GTF3C1: variants seen among roughly 807,000 people sequenced by gnomAD.
GTF3C1 encodes the protein general transcription factor IIIC subunit 1, also known as general transcription factor 3C polypeptide 1.
GTF3C1 carries 57 observed loss-of-function variants against 226.7 expected under a neutral mutation model. The observed-to-expected ratio is 0.25, with a 90% CI of 0.20 to 0.31. GTF3C1 has a LOEUF of 0.31. GTF3C1 is among the 10% of genes least tolerant of loss of function. The pLI is 1.00. For missense variants in GTF3C1, 2,217 were observed against 2,776.1 expected, an observed-to-expected ratio of 0.80 and a Z score of 4.53; for synonymous variants, 1,090 against 1,084.8, an observed-to-expected ratio of 1.00 and a Z score of -0.09.
chr16:27,535,883 G>A (rs549512168), intron 4 of GTF3C1, among the ~76,000 whole-genome samples: 1 of 152,104 alleles, frequency 6.6e-6, no homozygotes, highest in East Asian at 1.9e-4. Flanking sequence ...CAGTTCTCAC[G>A]TATTTTTCCT....
rs1212146647 is a variant in GTF3C1, at chr16:27,464,400, C to T, written c.5792G>A (p.Gly1931Asp). The change falls in exon 34 of 37, where the codon GGT becomes GAT. Residue 1931 changes from glycine to aspartate, a missense_variant. By Grantham distance (94) the Gly-to-Asp change is moderately conservative. This residue lies in a region of GTF3C1 where 455 missense variants were observed against 441.9 expected (regional missense o/e 1.03). Coordinates refer to ENST00000356183, the MANE Select transcript of GTF3C1 (RefSeq NM_001520.4). ...AAGAAQEDQEGVGEFSSPGQE... is the reference protein window; with the variant it reads ...AAGAAQEDQEDVGEFSSPGQE... Reference sequence around the variant, plus strand: ...GCCTGGGGAACTGAACTCACCGACACCCTCTTGGTCTTCCTGTGCTGCTCC... The same window carrying T: ...GCCTGGGGAACTGAACTCACCGACATCCTCTTGGTCTTCCTGTGCTGCTCC... The T allele has an allele frequency of 6.2e-7, 1 of 1,601,150 alleles. No individual in the cohort carries two copies. The highest frequency in any genetic ancestry group is 1.7e-5 in the Admixed American group (1 of 57,950).
chr16:27,483,406 G>A (rs1240939766), intron 25 of GTF3C1: 4 of 570,934 alleles, frequency 7.0e-6, no homozygotes, highest in South Asian at 4.6e-5. Flanking sequence ...CTCTCACAGG[G>A]GTTTGTCCAG....
In GTF3C1 at chr16:27,492,790, G is replaced by A. The variant is rs548650644; in HGVS notation, c.2877-77C>T. ...CCGCAGGGGTCTGCATGTGGGGTGA[G>A]GGGTGCGACTTCCTTCTTCTCTTTT... is the stretch of plus-strand genomic sequence containing the variant. On this transcript the variant is annotated intron_variant, in intron 17 of 36. Coordinates refer to ENST00000356183, the MANE Select transcript of GTF3C1 (RefSeq NM_001520.4). This position sits in a 1 kb window ranked among gnomAD's most constrained non-coding sequence, Gnocchi z 5.0. The A allele has an allele frequency of 1.2e-4, 99 of 836,910 alleles. 1 individual carries two copies. The East Asian group carries it at 2.1e-3, about 18-fold the overall frequency. The allele number at this position is 836,910 out of a possible 1,614,324, so 51.8% of individuals were successfully genotyped here. A position where few individuals can be genotyped will look rare whatever the true frequency, so the allele number is the denominator to read the frequency against.
In GTF3C1 at chr16:27,497,903, G is replaced by C. The variant is rs994740386; in HGVS notation, c.2166-82C>G. 8 of 1,150,888 alleles carry C rather than the reference G, an allele frequency of 7.0e-6. No individual in the cohort carries two copies. In the Admixed American group the frequency reaches 9.0e-5, roughly 13 times the overall value. The allele number at this position is 1,150,888 out of a possible 1,614,324, so 71.3% of individuals were successfully genotyped here. A position where few individuals can be genotyped will look rare whatever the true frequency, so the allele number is the denominator to read the frequency against. ...GGACAGAGTCTGTCTGCATGAATCA[G>C]ATACAGCCTCTTGGCCTGGGGGTTT... On this transcript the variant is annotated intron_variant, in intron 13 of 36. Coordinates refer to ENST00000356183, the MANE Select transcript of GTF3C1 (RefSeq NM_001520.4).
At chr16:27,513,981 G>C (rs760217470) in intron 6 of GTF3C1, among the ~76,000 whole-genome samples, 7 of 152,150 alleles carry the variant, frequency 4.6e-5, no homozygotes, top group African/African-American at 1.4e-4. Context: ...GGTTCTTTTG[G>C]GGGCAGAGCA....
In GTF3C1 at chr16:27,464,367, T is replaced by G; in HGVS notation, c.5825A>C (p.Gln1942Pro). 6.4e-7 allele frequency: 1 copy of G among 1,564,968 alleles called. No homozygotes were observed. The highest frequency in any genetic ancestry group is 8.6e-7 in the Non-Finnish European group (1 of 1,158,850). ...TGGAGGCTGCGCCTGGCCGCTCAGC[T>G]GCTCTTGGCCTGGGGAACTGAACTC... ...VGEFSSPGQE[Q>P]LSGQAQPPEG... Residue 1942 changes from glutamine to proline, a missense_variant, in exon 34 of 37, where the codon CAG becomes CCG. Physicochemically the swap from Gln to Pro is moderately conservative, Grantham distance 76 (BLOSUM62 -1). Transcript: ENST00000356183.
intron 6 of GTF3C1, among the ~76,000 whole-genome samples, chr16:27,517,386 G>C (rs536763546): frequency 1.3e-5 from 2 of 152,188 alleles, no homozygotes; most frequent in African/African-American, 4.8e-5. Context: ...ACCCGAATAA[G>C]CGCACGTCAT....
At position 27,470,504 on chromosome 16, in the gene GTF3C1, G is replaced by A. The variant is rs567396328; in HGVS notation, c.4527-109C>T. The A allele has an allele frequency of 6.1e-6, 5 of 819,490 alleles. No homozygotes were observed. Among genetic ancestry groups the A allele is most frequent in the East Asian group, 4.9e-5 (2 of 41,172 alleles). The allele number at this position is 819,490 out of a possible 1,614,324, so 50.8% of individuals were successfully genotyped here. A position where few individuals can be genotyped will look rare whatever the true frequency, so the allele number is the denominator to read the frequency against. On this transcript the variant is annotated intron_variant, in intron 30 of 36. Transcript: ENST00000356183. The surrounding 1 kb of genome is among the most constrained non-coding windows in gnomAD (Gnocchi z 4.9). ...CATTATGGTGAGAACTAAGCAAAACGCCCCACTTCTTCCCTAAAGCTCTCT... is the reference window on the plus strand; with the variant it reads ...CATTATGGTGAGAACTAAGCAAAACACCCCACTTCTTCCCTAAAGCTCTCT...
chr16:27,469,447 C>G lies in GTF3C1; in HGVS notation c.4918G>C (p.Ala1640Pro). ...ATCAGCAGGTAGTTGGTGTGGGAGG[C>G]TTGCGCAGGTTTCACCTCCATGCTC... ...RRSMEVKPAQ[A>P]SHTNYLLMRG... is the part of the protein sequence containing the mutation. Residue 1640 changes from alanine to proline, a missense_variant, in exon 32 of 37, where the codon GCC becomes CCC. Physicochemically the swap from Ala to Pro is conservative, Grantham distance 27. Transcript: ENST00000356183. This position sits in a 1 kb window ranked among gnomAD's most constrained non-coding sequence, Gnocchi z 4.5. 1 of 1,614,198 alleles carries G rather than the reference C, an allele frequency of 6.2e-7. No individual in the cohort carries two copies. The highest frequency in any genetic ancestry group is 8.5e-7 in the Non-Finnish European group (1 of 1,180,014).
At chr16:27,528,793 A>G (rs1419860102) in intron 5 of GTF3C1, 72 bp from the exon 6 acceptor site, 13 of 1,396,086 alleles carry the variant, frequency 9.3e-6, no homozygotes, top group Non-Finnish European at 1.3e-5. Context: ...AGTCATATAA[A>G]TGAACACAAG....
chr16:27,547,751 C>A (rs535448421), intron 1 of GTF3C1, among the ~76,000 whole-genome samples: 1 of 151,958 alleles, frequency 6.6e-6, no homozygotes, highest in African/African-American at 2.4e-5. Context: ...GCAGCCTCCA[C>A]CTAGCTGGGA....
At position 27,492,442 on chromosome 16, in the gene GTF3C1, C is replaced by A; in HGVS notation, c.3047G>T (p.Arg1016Leu). The A allele has an allele frequency of 6.2e-7, 1 of 1,611,700 alleles. No homozygotes were observed. Among genetic ancestry groups the A allele is most frequent in the Non-Finnish European group, 8.5e-7 (1 of 1,177,830 alleles). ...TICDPHYNLA[R>L]SSRPFERRLY... ...GCGCCTCTCGAAGGGCCGGCTGCTG[C>A]GGGCCAGGTTGTAATGTGGGTCGCA... is the stretch of plus-strand genomic sequence containing the variant. Residue 1016 changes from arginine (R) to leucine (L), a missense_variant, in exon 19 of 37, where the codon CGC becomes CTC. Transcript: ENST00000356183. The surrounding 1 kb of genome is among the most constrained non-coding windows in gnomAD (Gnocchi z 5.0).
intron 5 of GTF3C1, among the ~76,000 whole-genome samples, chr16:27,529,662 C>T (rs1191885476): frequency 6.6e-6 from 1 of 152,124 alleles, no homozygotes; most frequent in African/African-American, 2.4e-5. Context: ...ATTTACTTGC[C>T]AAAATTGAAA....
chr16:27,484,626 G>T (rs780303752), intron 24 of GTF3C1, among the ~76,000 whole-genome samples: 1 of 151,984 alleles, frequency 6.6e-6, no homozygotes, highest in Admixed American at 6.6e-5. Flanking sequence ...CCAACGGGGC[G>T]GGGGGGAACT....
chr16:27,526,673 C>T lies in GTF3C1; in HGVS notation c.973+1925G>A, dbSNP rs147370887. On this transcript the variant is annotated intron_variant, in intron 6 of 36. Coordinates refer to ENST00000356183, the MANE Select transcript of GTF3C1 (RefSeq NM_001520.4). ...CAGTCAGTCGCCATTTGCCCATCTACCTTTGAGCACCCAAATGTCATCACC... is the reference window on the plus strand; with the variant it reads ...CAGTCAGTCGCCATTTGCCCATCTATCTTTGAGCACCCAAATGTCATCACC... Among the ~76,000 whole-genome samples the T allele has an allele frequency of 3.2e-4, 48 of 152,344 alleles. 1 individual carries two copies. The highest frequency in any genetic ancestry group is 8.7e-4 in the African/African-American group (36 of 41,576).
rs796311603 is a variant in GTF3C1, at chr16:27,498,663, C to T, written c.2132G>A (p.Arg711His). 2 of 1,603,206 alleles carry T rather than the reference C, an allele frequency of 1.2e-6. No individual in the cohort carries two copies. The highest frequency in any genetic ancestry group is 1.7e-6 in the Non-Finnish European group (2 of 1,170,144). ...PLVRSAIEQV[R>H]FRISNSSTAN... ...TGTGCTTGAATTGGAGATCCGGAAG[C>T]GGACCTGCTCGATGGCACTTCTCAC... The change falls in exon 13 of 37, where the codon CGC becomes CAC. Residue 711 changes from arginine (R) to histidine (H), a missense_variant. By Grantham distance (29) the Arg-to-His change is conservative. Coordinates refer to ENST00000356183, the MANE Select transcript of GTF3C1 (RefSeq NM_001520.4).
rs2088301713 is a variant in GTF3C1, at chr16:27,495,398, A to G, written c.2445T>C (p.Pro815=). The G allele has an allele frequency of 1.9e-6, 3 of 1,614,118 alleles. No individual in the cohort carries two copies. The highest frequency in any genetic ancestry group is 3.3e-4 in the Middle Eastern group (2 of 6,062). The part of the protein sequence containing the change: ...MFLWYLIYGH[P]ASNTVEKPSF... The stretch of plus-strand genomic sequence containing the variant: ...TTGGCTTCTCCACGGTGTTGCTGGC[A>G]GGGTGCCCGTAGATGAGGTACCACA... Residue 815 remains proline (P), a synonymous_variant, in exon 15 of 37, where the codon CCT becomes CCC. Coordinates refer to ENST00000356183, the MANE Select transcript of GTF3C1 (RefSeq NM_001520.4).
intron 2 of GTF3C1, among the ~76,000 whole-genome samples, chr16:27,543,213 G>A (rs1030040487): frequency 4.6e-5 from 7 of 152,078 alleles, no homozygotes; most frequent in African/African-American, 1.2e-4. Flanking sequence ...TGGTGAAACC[G>A]AGTCTCTACT....
At position 27,532,658 on chromosome 16, in the gene GTF3C1, G is replaced by A. The variant is rs1236849271; in HGVS notation, c.849+633C>T. On this transcript the variant is annotated intron_variant, in intron 5 of 36. Transcript: ENST00000356183. Reference sequence around the variant, plus strand: ...CTCTCCCCTCCCCCTCAGGACAGCCGCTCTGCTATTTCAGTACAAAACCAC... The same window carrying A: ...CTCTCCCCTCCCCCTCAGGACAGCCACTCTGCTATTTCAGTACAAAACCAC... Among the ~76,000 whole-genome samples the A allele has an allele frequency of 3.9e-5, 6 of 152,184 alleles. No homozygotes were observed. In the South Asian group the frequency reaches 6.2e-4, roughly 16 times the overall value.
Sources: gnomAD v4.1 joint callset for allele counts (sites outside exome capture counted in the v4.1 genomes callset) on GRCh38, gnomAD v4.1.1 for gene constraint, gnomAD v4.1.1 regional missense constraint, Gnocchi (gnomAD v3.1) non-coding constraint, MANE v1.5 for transcripts, NCBI Gene and HGNC (gene_info 2026-07-23, HGNC 2026-07-21) for gene names.